The following FRAS1 variants were observed in gnomAD, a reference collection of about 807,000 sequenced individuals.
The protein encoded by FRAS1 is extracellular matrix organizing protein FRAS1.
In FRAS1, 290 loss-of-function variants were observed where a neutral mutation model predicts 435.2. The ratio of observed to expected loss-of-function variants is 0.67; its 90% CI spans 0.61 to 0.73. FRAS1 has a LOEUF of 0.73. Among genes scored for constraint, FRAS1 ranks in the 30% least tolerant of loss-of-function variants. The pLI, the probability that FRAS1 is intolerant of heterozygous loss-of-function variation, is 0.00. For missense variants in FRAS1, 4,860 were observed against 5,001.5 expected, an observed-to-expected ratio of 0.97 and a Z score of 0.85; for synonymous variants, 1,800 against 1,851.0, an observed-to-expected ratio of 0.97 and a Z score of 0.71.
At chr4:78,488,034 G>A (rs1187236238) in intron 58 of FRAS1, among the ~76,000 whole-genome samples, 2 of 152,178 alleles carry the variant, frequency 1.3e-5, no homozygotes, top group Non-Finnish European at 2.9e-5. Context: ...TTGGGAGGCT[G>A]AGGCAGGAAA....
intron 2 of FRAS1, among the ~76,000 whole-genome samples, chr4:78,194,749 T>A (rs539732808): frequency 6.6e-6 from 1 of 152,338 alleles, no homozygotes; most frequent in Non-Finnish European, 1.5e-5. Context: ...AGTTTGACCA[T>A]CTGAAGTCTT....
In FRAS1 at chr4:78,136,349, G is replaced by A. The variant is rs537385700; in HGVS notation, c.108+70333G>A. ...TGCATTTGGGTGACTCAACGATTTT[G>A]CTGCTCTGTGCATGTCCATCAATGA... On this transcript the variant is annotated intron_variant, in intron 2 of 73. Transcript: ENST00000512123. Among the ~76,000 whole-genome samples, 17 of 152,290 alleles carry A rather than the reference G, an allele frequency of 1.1e-4. 1 individual carries two copies. In the South Asian group the frequency reaches 3.5e-3, roughly 32 times the overall value.
intron 48 of FRAS1, 73 bp from the exon 49 acceptor site, chr4:78,464,369 GA>G: frequency 6.4e-7 from 1 of 1,573,728 alleles, no homozygotes; most frequent in Non-Finnish European, 8.7e-7. Context: ...GAGAAAAGTA[GA>G]GAGCACCTAC....
chr4:78,087,212 C>T (rs532712423), intron 2 of FRAS1, among the ~76,000 whole-genome samples: 6 of 152,248 alleles, frequency 3.9e-5, no homozygotes, highest in South Asian at 2.1e-4. Context: ...AGACCTTTGA[C>T]AAAATTCAAC....
chr4:78,074,344 A>C (rs1740522975), intron 2 of FRAS1, among the ~76,000 whole-genome samples: 1 of 152,154 alleles, frequency 6.6e-6, no homozygotes, highest in Non-Finnish European at 1.5e-5. Flanking sequence ...AATAAACTTG[A>C]TCTAAGAGAT....
intron 2 of FRAS1, among the ~76,000 whole-genome samples, chr4:78,094,272 C>A (rs1429849524): frequency 6.6e-6 from 1 of 151,580 alleles, no homozygotes; most frequent in Non-Finnish European, 1.5e-5. Flanking sequence ...GGATAAATTT[C>A]AAAAAAATGA....
rs756854613 is a variant in FRAS1, at chr4:78,315,631, C to T, written c.1716C>T (p.Ser572=). The change falls in exon 16 of 74, where the codon AGC becomes AGT. Residue 572 remains serine (S), a synonymous_variant. Coordinates refer to ENST00000512123, the MANE Select transcript of FRAS1 (RefSeq NM_025074.7). ...DQSCDSCGPS[S]PRCLTCTEKT... ...CCTGTGACAGTTGTGGCCCCAGTAG[C>T]CCCAGGTGTCTTACCTGTACTGAGA... The T allele has an allele frequency of 1.1e-4, 185 of 1,613,388 alleles. No individual in the cohort carries two copies. The highest frequency in any genetic ancestry group is 1.5e-4 in the Non-Finnish European group (175 of 1,179,708).
chr4:78,315,782 GT>G (rs746788077), intron 16 of FRAS1, 48 bp downstream of exon 16: 1 of 1,602,014 alleles, frequency 6.2e-7, no homozygotes, highest in South Asian at 1.1e-5. Flanking sequence ...TTGAGTACAT[GT>G]TTGACTATAC....
At chr4:78,095,844 G>A (rs1048260178) in intron 2 of FRAS1, among the ~76,000 whole-genome samples, 2 of 152,148 alleles carry the variant, frequency 1.3e-5, no homozygotes, top group Non-Finnish European at 2.9e-5. Flanking sequence ...TTTGGGTAGG[G>A]CCACAGAGTG....
chr4:78,452,202 C>T lies in FRAS1; in HGVS notation c.6611C>T (p.Thr2204Ile). 6.2e-7 allele frequency: 1 copy of T among 1,613,774 alleles called. No homozygotes were observed. The highest frequency in any genetic ancestry group is 1.1e-5 in the South Asian group (1 of 91,068). Residue 2204 changes from threonine (T) to isoleucine (I), a missense_variant, in exon 47 of 74, where the codon ACC becomes ATC. Thr to Ile is a moderately conservative substitution (Grantham distance 89). Transcript: ENST00000512123. ...LEDKSPPVIT[T>I]NKGLVLDENS... The stretch of plus-strand genomic sequence containing the variant: ...GACAAATCCCCACCAGTCATCACCA[C>T]CAATAAAGGACTGGTCTTGGATGAA...
rs1215682511 is a variant in FRAS1, at chr4:78,336,587, G to A, written c.2279-1087G>A. Among the ~76,000 whole-genome samples, 4 of 152,142 alleles carry A rather than the reference G, an allele frequency of 2.6e-5. No homozygotes were observed. In the East Asian group the frequency reaches 7.7e-4, roughly 29 times the overall value. ...CAACATTGAGAGCCTCAGGAATGTA[G>A]GAGGGGTGAGAGTGCTATCCTTCTA... On this transcript the variant is annotated intron_variant, in intron 19 of 73. Coordinates refer to ENST00000512123, the MANE Select transcript of FRAS1 (RefSeq NM_025074.7).
intron 2 of FRAS1, among the ~76,000 whole-genome samples, chr4:78,214,554 T>A (rs1006071433): frequency 1.2e-4 from 18 of 152,248 alleles, no homozygotes; most frequent in African/African-American, 3.9e-4. Flanking sequence ...TATCTGAACA[T>A]CCTACATACA....
chr4:78,386,034 C>T (rs1732206526), intron 28 of FRAS1, among the ~76,000 whole-genome samples: 1 of 152,160 alleles, frequency 6.6e-6, no homozygotes, highest in African/African-American at 2.4e-5. Flanking sequence ...AATAAAGTTA[C>T]TCCAGTGAAA....
At chr4:78,146,302 C>A (rs1023177767) in intron 2 of FRAS1, among the ~76,000 whole-genome samples, 1 of 152,094 alleles carries the variant, frequency 6.6e-6, no homozygotes, top group African/African-American at 2.4e-5. Flanking sequence ...TTCCACATTG[C>A]AAAATAACAT....
chr4:78,188,616 C>T (rs1722391029), intron 2 of FRAS1, among the ~76,000 whole-genome samples: 1 of 152,150 alleles, frequency 6.6e-6, no homozygotes, highest in South Asian at 2.1e-4. Context: ...TTGATCACAT[C>T]TATAAAATTA....
chr4:78,296,417 C>A (rs1012129692), intron 14 of FRAS1, among the ~76,000 whole-genome samples: 1 of 151,932 alleles, frequency 6.6e-6, no homozygotes, highest in African/African-American at 2.4e-5. Flanking sequence ...GTAAAAGGAT[C>A]AAAAATGGTG....
At chr4:78,249,966 G>A (rs1266656772) in intron 4 of FRAS1, among the ~76,000 whole-genome samples, 4 of 151,936 alleles carry the variant, frequency 2.6e-5, no homozygotes, top group African/African-American at 9.7e-5. Context: ...ATAAAATGAA[G>A]TTTACTTCAA....
At chr4:78,329,148 TGTGTTA>T (rs1729834870) in intron 18 of FRAS1, among the ~76,000 whole-genome samples, 1 of 152,240 alleles carries the variant, frequency 6.6e-6, no homozygotes, top group African/African-American at 2.4e-5. Flanking sequence ...CATCCAGAGT[TGTGTTA>T]AGCCTCCTTA....
intron 10 of FRAS1, among the ~76,000 whole-genome samples, chr4:78,279,627 T>C (rs1172700501): frequency 2.0e-5 from 3 of 152,234 alleles, no homozygotes; most frequent in Non-Finnish European, 2.9e-5. Flanking sequence ...CTCTATTTAC[T>C]AAGGTTTTAT....
Sources: allele counts gnomAD v4.1 joint callset (sites outside exome capture counted in the v4.1 genomes callset), GRCh38; gene constraint gnomAD v4.1.1; transcripts MANE v1.5; gene names NCBI Gene and HGNC (gene_info 2026-07-23, HGNC 2026-07-21).